AK5: variants seen among roughly 807,000 people sequenced by gnomAD.
AK5 encodes the protein adenylate kinase isoenzyme 5.
A neutral mutation model predicts 69.5 loss-of-function variants in AK5; 27 were observed. The observed-to-expected ratio is 0.39, with a 90% CI of 0.29 to 0.54. AK5 has a LOEUF of 0.54. Ranked by LOEUF, AK5 falls within the 20% of genes least tolerant of loss-of-function variation. AK5 has a pLI of 0.71. For missense variants in AK5, 531 were observed against 700.4 expected (o/e 0.76, Z 2.73); for synonymous variants, 260 against 244.4 (o/e 1.06, Z -0.60).
intron 8 of AK5, among the ~76,000 whole-genome samples, chr1:77,418,952 C>T (rs1166521934): frequency 6.6e-6 from 1 of 151,976 alleles, no homozygotes; most frequent in African/African-American, 2.4e-5. Context: ...CTATTAAGCA[C>T]TTATTACATG....
chr1:77,342,583 C>T (rs761805854), intron 6 of AK5, among the ~76,000 whole-genome samples: 1 of 152,022 alleles, frequency 6.6e-6, no homozygotes, highest in African/African-American at 2.4e-5. Context: ...AAGCAATGAA[C>T]GCAAACACAG....
chr1:77,430,688 T>C (rs1199671691), intron 8 of AK5, among the ~76,000 whole-genome samples: 1 of 152,146 alleles, frequency 6.6e-6, no homozygotes, highest in African/African-American at 2.4e-5. Flanking sequence ...CAGAAAGACG[T>C]AGAAGAAGCC....
chr1:77,284,541 G>A (rs918276027), intron 1 of AK5, among the ~76,000 whole-genome samples: 3 of 152,140 alleles, frequency 2.0e-5, no homozygotes, highest in Non-Finnish European at 4.4e-5. Context: ...GATATCTCTG[G>A]TACGTTCATG....
At chr1:77,442,614 G>A (rs776246395) in intron 8 of AK5, among the ~76,000 whole-genome samples, 6 of 152,182 alleles carry the variant, frequency 3.9e-5, no homozygotes, top group East Asian at 3.9e-4. Flanking sequence ...TGTGCTCCCC[G>A]GAGTTTCTGT....
intron 6 of AK5, among the ~76,000 whole-genome samples, chr1:77,402,810 C>T (rs1649325942): frequency 6.6e-6 from 1 of 152,120 alleles, no homozygotes; most frequent in South Asian, 2.1e-4. Context: ...TGTATATACC[C>T]AGTAATGGGA....
At chr1:77,493,378 C>G (rs556349335) in intron 10 of AK5, among the ~76,000 whole-genome samples, 3 of 152,214 alleles carry the variant, frequency 2.0e-5, no homozygotes, top group East Asian at 1.9e-4. Flanking sequence ...TATACTCCCC[C>G]ACCTTCCCTG....
At chr1:77,336,405 A>G (rs1661363451) in intron 5 of AK5, among the ~76,000 whole-genome samples, 1 of 152,180 alleles carries the variant, frequency 6.6e-6, no homozygotes, top group Non-Finnish European at 1.5e-5. Flanking sequence ...ATCTGATAAC[A>G]ACACTGTTTG....
At chr1:77,419,442 G>A (rs550436386) in intron 8 of AK5, among the ~76,000 whole-genome samples, 3 of 151,844 alleles carry the variant, frequency 2.0e-5, no homozygotes, top group African/African-American at 7.2e-5. Flanking sequence ...CATAATATAA[G>A]GATATTCAAA....
Position 77,558,660 on chromosome 1 carries a change from C to G in AK5, c.1679C>G (p.Ser560Cys), listed in dbSNP as rs77198824. 6.7e-5 allele frequency: 106 copies of G among 1,592,416 alleles called. No homozygotes were observed. Among genetic ancestry groups the G allele is most frequent in the Non-Finnish European group, 8.6e-5 (100 of 1,160,806 alleles). Residue 560 changes from serine to cysteine, a missense_variant, in exon 14 of 14, where the codon TCT (serine) becomes TGT (cysteine). Transcript: ENST00000354567. Reference sequence around the variant, plus strand: ...CTTCAACTCTGCACAGCTATTGACTCTATTTTCTGAAGGCAAAAATGCATG... The same window carrying G: ...CTTCAACTCTGCACAGCTATTGACTGTATTTTCTGAAGGCAAAAATGCATG... ...VFLQLCTAID[S>C]IF
intron 6 of AK5, among the ~76,000 whole-genome samples, chr1:77,345,272 A>T (rs1224814824): frequency 6.6e-6 from 1 of 152,220 alleles, no homozygotes; most frequent in Non-Finnish European, 1.5e-5. Context: ...TGGTCACAGG[A>T]TGTATGAAAA....
chr1:77,367,673 AAT>A (rs58417088), intron 6 of AK5, among the ~76,000 whole-genome samples: 3 of 34,536 alleles, frequency 8.7e-5, no homozygotes, highest in African/African-American at 1.9e-4. Flanking sequence ...TGTTATATAT[AAT>A]ATATATGTTA....
At chr1:77,483,044 G>T (rs143457640) in intron 8 of AK5, among the ~76,000 whole-genome samples, 1,389 of 124,150 alleles carry the variant, frequency 0.011, 34 homozygotes, top group East Asian at 0.09. Context: ...AAAAAAAGAG[G>T]TGAGATACTG....
At chr1:77,554,698 C>T (rs1284077213) in intron 13 of AK5, among the ~76,000 whole-genome samples, 4 of 152,000 alleles carry the variant, frequency 2.6e-5, no homozygotes, top group East Asian at 1.9e-4. Flanking sequence ...CTCCACCTCC[C>T]GGGTTCACGC....
At chr1:77,335,977 A>G (rs1661335523) in intron 5 of AK5, among the ~76,000 whole-genome samples, 1 of 151,850 alleles carries the variant, frequency 6.6e-6, no homozygotes, top group Admixed American at 6.6e-5. Context: ...TCTGGTTTCT[A>G]TCTTATGAGG....
At chr1:77,541,501 T>G (rs918630600) in intron 13 of AK5, among the ~76,000 whole-genome samples, 8 of 152,208 alleles carry the variant, frequency 5.3e-5, no homozygotes, top group Admixed American at 1.3e-4. Context: ...TTTCACCACA[T>G]CTTTTTGCTG....
chr1:77,438,910 G>C (rs1165433282), intron 8 of AK5, among the ~76,000 whole-genome samples: 1 of 152,154 alleles, frequency 6.6e-6, no homozygotes, highest in African/African-American at 2.4e-5. Flanking sequence ...CCATTATTAA[G>C]GTGGCCTTAC....
chr1:77,471,344 T>G (rs1654498612), intron 8 of AK5, among the ~76,000 whole-genome samples: 1 of 152,206 alleles, frequency 6.6e-6, no homozygotes. Flanking sequence ...CTCCTTCAGT[T>G]GGCTGCTGTG....
chr1:77,317,016 GT>G (rs1660278540), intron 5 of AK5, among the ~76,000 whole-genome samples: 1 of 152,082 alleles, frequency 6.6e-6, no homozygotes, highest in South Asian at 2.1e-4. Context: ...ATAATTTCAC[GT>G]GCTTTATATG....
chr1:77,506,591 A>G (rs1423089596), intron 10 of AK5, among the ~76,000 whole-genome samples: 1 of 152,154 alleles, frequency 6.6e-6, no homozygotes, highest in East Asian at 1.9e-4. Flanking sequence ...AGTCTTGATT[A>G]ATGAGGGATT....
Sources: allele counts gnomAD v4.1 joint callset (sites outside exome capture counted in the v4.1 genomes callset), GRCh38; gene constraint gnomAD v4.1.1; transcripts MANE v1.5; gene names NCBI Gene and HGNC (gene_info 2026-07-23, HGNC 2026-07-21).